BACH1: variants seen among roughly 807,000 people sequenced by gnomAD.
BACH1 encodes BTB domain and CNC homolog 1.
In BACH1, 35 loss-of-function variants were observed where a neutral mutation model predicts 52.9. The ratio of observed to expected loss-of-function variants is 0.66; its 90% CI spans 0.51 to 0.88. The LOEUF is 0.88. Ranked by LOEUF, BACH1 falls within the 40% of genes least tolerant of loss-of-function variation. The pLI is 0.00. For synonymous variants in BACH1, 321 were observed against 319.6 expected, an observed-to-expected ratio of 1.00 and a Z score of -0.05; for missense variants, 808 against 872.6, an observed-to-expected ratio of 0.93 and a Z score of 0.93.
chr21:29,360,861 A>G (rs867013588), intron 2 of BACH1, among the ~76,000 whole-genome samples: 1 of 149,842 alleles, frequency 6.7e-6, no homozygotes, highest in Non-Finnish European at 1.5e-5. Context: ...AAAAAAAAAA[A>G]CAAAAAAAAA....
downstream of BACH1, among the ~76,000 whole-genome samples, chr21:29,347,222 G>A (rs887340651): frequency 3.3e-5 from 5 of 152,144 alleles, no homozygotes; most frequent in Non-Finnish European, 5.9e-5. Context: ...TAGCTGTTTA[G>A]CCCAGTGAAC....
At chr21:29,352,348 C>T (rs1223797043) in intron 2 of BACH1, among the ~76,000 whole-genome samples, 3 of 152,148 alleles carry the variant, frequency 2.0e-5, no homozygotes, top group African/African-American at 7.2e-5. Context: ...GCCACTGCTC[C>T]CGGCCTAGAC....
intron 1 of BACH1, among the ~76,000 whole-genome samples, chr21:29,313,829 C>T (rs1204072254): frequency 6.6e-6 from 1 of 152,094 alleles, no homozygotes; most frequent in African/African-American, 2.4e-5. Flanking sequence ...CATGTCAATG[C>T]CCTTGGAGGA....
At chr21:29,328,163 T>C (rs1007713847) in intron 3 of BACH1, among the ~76,000 whole-genome samples, 2 of 152,252 alleles carry the variant, frequency 1.3e-5, no homozygotes, top group Admixed American at 1.3e-4. Flanking sequence ...TAAAGTTTAT[T>C]GGATCTAGTT....
At chr21:29,307,357 G>A (rs953652695) in intron 1 of BACH1, among the ~76,000 whole-genome samples, 2 of 152,116 alleles carry the variant, frequency 1.3e-5, no homozygotes, top group South Asian at 2.1e-4. Flanking sequence ...TGTGTACATT[G>A]TAGAAAGATT....
At chr21:29,309,479 A>G (rs1463500393) in intron 1 of BACH1, among the ~76,000 whole-genome samples, 1 of 152,106 alleles carries the variant, frequency 6.6e-6, no homozygotes, top group Non-Finnish European at 1.5e-5. Flanking sequence ...TTGAAATGTA[A>G]TATTTGGACC....
chr21:29,330,697 T>C (rs2088970683), intron 4 of BACH1, among the ~76,000 whole-genome samples: 1 of 152,124 alleles, frequency 6.6e-6, no homozygotes, highest in South Asian at 2.1e-4. Flanking sequence ...CTATTAATTG[T>C]TGAAAGTTTA....
intron 2 of BACH1, among the ~76,000 whole-genome samples, chr21:29,360,845 CAAAAAA>C: frequency 2.4e-5 from 2 of 83,748 alleles, no homozygotes; most frequent in Non-Finnish European, 5.2e-5. Context: ...GACCCTGTCT[CAAAAAA>C]AAAAAAAAAA....
At chr21:29,339,173 A>G (rs1272918746) in intron 4 of BACH1, among the ~76,000 whole-genome samples, 3 of 152,178 alleles carry the variant, frequency 2.0e-5, no homozygotes, top group Non-Finnish European at 4.4e-5. Flanking sequence ...AAATACATAC[A>G]TAATTTTATT....
chr21:29,358,769 G>GAA (rs372288910), intron 2 of BACH1, among the ~76,000 whole-genome samples: 1 of 31,142 alleles, frequency 3.2e-5, no homozygotes. Flanking sequence ...GAAAAGAAAA[G>GAA]AAAAGAAAGA....
chr21:29,316,586 A>G (rs1051193059), intron 1 of BACH1, among the ~76,000 whole-genome samples: 1 of 152,224 alleles, frequency 6.6e-6, no homozygotes, highest in Non-Finnish European at 1.5e-5. Flanking sequence ...TGGATGTTAG[A>G]GGACATGAAG....
intron 4 of BACH1, among the ~76,000 whole-genome samples, chr21:29,336,658 CTCTTT>C (rs1157628136): frequency 1.3e-5 from 2 of 151,848 alleles, no homozygotes; most frequent in Admixed American, 6.6e-5. Flanking sequence ...TCCTTTCTTT[CTCTTT>C]TATTTTTTTA....
chr21:29,324,438 G>A (rs1166335823), intron 2 of BACH1, among the ~76,000 whole-genome samples: 1 of 152,010 alleles, frequency 6.6e-6, no homozygotes, highest in Non-Finnish European at 1.5e-5. Context: ...ATGGAATTAT[G>A]CAGTATATTA....
Position 29,343,093 on chromosome 21 carries a change from A to C in BACH1, c.*260A>C, listed in dbSNP as rs149979501. The C allele has an allele frequency of 3.3e-5, 10 of 301,066 alleles. No individual in the cohort carries two copies. In the East Asian group the frequency reaches 5.5e-4, roughly 17 times the overall value. The allele number at this position is 301,066 out of a possible 1,614,324, so 18.6% of individuals were successfully genotyped here. ...TAAAACTCATGTTTTAAAGAATAAT[A>C]ACTCTAGTAATAACTCTTCCTGCTA... On this transcript the variant is annotated 3_prime_UTR_variant, in exon 5 of 5. Coordinates refer to ENST00000286800, the MANE Select transcript of BACH1 (RefSeq NM_001186.4).
At position 29,311,603 on chromosome 21, in the gene BACH1, C is replaced by T. The variant is rs144200160; in HGVS notation, c.-60-9618C>T. 5.3e-3 allele frequency among the ~76,000 whole-genome samples: 810 copies of T among 152,248 alleles called. 8 individuals carry two copies. The highest frequency in any genetic ancestry group is 0.018 in the African/African-American group (758 of 41,544). ...ATCAACCTAAGATATTATCTGTTGA[C>T]TTGGTATTACTGTGGGTGATGATTT... is the stretch of plus-strand genomic sequence containing the variant. On this transcript the variant is annotated intron_variant, in intron 1 of 4. Coordinates refer to ENST00000286800, the MANE Select transcript of BACH1 (RefSeq NM_001186.4).
intron 4 of BACH1, among the ~76,000 whole-genome samples, chr21:29,339,027 A>G (rs2089079221): frequency 6.6e-6 from 1 of 152,190 alleles, no homozygotes; most frequent in Non-Finnish European, 1.5e-5. Flanking sequence ...CTCAGTAGTG[A>G]CTGTAATACA....
downstream of BACH1, among the ~76,000 whole-genome samples, chr21:29,348,479 C>A (rs2089183546): frequency 6.6e-6 from 1 of 151,944 alleles, no homozygotes; most frequent in Non-Finnish European, 1.5e-5. Context: ...AAAAAAAAAT[C>A]TTGGTTTCAG....
chr21:29,312,952 A>G (rs1386445539), intron 1 of BACH1, among the ~76,000 whole-genome samples: 3 of 152,228 alleles, frequency 2.0e-5, no homozygotes, highest in Admixed American at 2.0e-4. Flanking sequence ...AGGTATACAA[A>G]TGGCTAATAA....
chr21:29,347,278 C>T (rs947482035), downstream of BACH1, among the ~76,000 whole-genome samples: 2 of 152,172 alleles, frequency 1.3e-5, no homozygotes, highest in East Asian at 1.9e-4. Context: ...ATCCATCCAC[C>T]GGTCACCTTG....
Sources: gnomAD v4.1 joint callset for allele counts (sites outside exome capture counted in the v4.1 genomes callset) on GRCh38, gnomAD v4.1.1 for gene constraint, MANE v1.5 for transcripts, NCBI Gene and HGNC (gene_info 2026-07-23, HGNC 2026-07-21) for gene names.